ARL15: variants seen among roughly 807,000 people sequenced by gnomAD.
The protein encoded by ARL15 is ARF like GTPase 15.
ARL15 carries 19 observed loss-of-function variants against 25.2 expected under a neutral mutation model. That is an observed-to-expected ratio of 0.75 (90% CI 0.53 to 1.10). The LOEUF (loss-of-function observed/expected upper bound fraction) is 1.10, where lower values mean the gene tolerates loss of function less well. Among genes scored for constraint, ARL15 ranks in the 50% least tolerant of loss-of-function variants. The pLI is 0.00. For synonymous variants in ARL15, 94 were observed against 86.8 expected, an observed-to-expected ratio of 1.08 and a Z score of -0.46; for missense variants, 220 against 246.0, an observed-to-expected ratio of 0.89 and a Z score of 0.71.
At chr5:54,131,509 A>G (rs1055794116) in intron 3 of ARL15, among the ~76,000 whole-genome samples, 4 of 152,120 alleles carry the variant, frequency 2.6e-5, no homozygotes, top group Non-Finnish European at 5.9e-5. Flanking sequence ...ATTTGTATAT[A>G]ATCTTTTTTC....
chr5:54,068,733 T>C (rs1373508552), intron 4 of ARL15, among the ~76,000 whole-genome samples: 1 of 152,254 alleles, frequency 6.6e-6, no homozygotes, highest in African/African-American at 2.4e-5. Flanking sequence ...ATCAGGGTCA[T>C]GCCATCTCAA....
intron 4 of ARL15, among the ~76,000 whole-genome samples, chr5:54,010,917 G>A (rs1423177264): frequency 6.6e-6 from 1 of 151,470 alleles, no homozygotes; most frequent in Non-Finnish European, 1.5e-5. Context: ...GGAGAATGGC[G>A]TGAACCCGGG....
intron 1 of ARL15, among the ~76,000 whole-genome samples, chr5:54,239,211 A>G (rs1397971492): frequency 2.7e-5 from 4 of 145,468 alleles, no homozygotes; most frequent in Admixed American, 1.4e-4. Flanking sequence ...ATGGCAAGGG[A>G]AAAGGCTTTT....
chr5:54,040,920 C>G (rs909678669), intron 4 of ARL15, among the ~76,000 whole-genome samples: 1 of 152,200 alleles, frequency 6.6e-6, no homozygotes, highest in Admixed American at 6.5e-5. Context: ...TTTGTAACTC[C>G]TATTGTCTGA....
intron 3 of ARL15, among the ~76,000 whole-genome samples, chr5:54,114,415 A>AAAAAAAAAAAAAAAAAAAAAC (rs1752835529): frequency 6.7e-6 from 1 of 149,340 alleles, no homozygotes; most frequent in Non-Finnish European, 1.5e-5. Context: ...AGAAAAAAAA[A>AAAAAAAAAAAAAAAAAAAAAC]AAAAAAAGCA....
At chr5:53,954,177 G>GA (rs1747067675) in intron 4 of ARL15, among the ~76,000 whole-genome samples, 1 of 151,656 alleles carries the variant, frequency 6.6e-6, no homozygotes, top group African/African-American at 2.4e-5. Context: ...TAATGTTTGG[G>GA]AAATCAGTCC....
intron 4 of ARL15, among the ~76,000 whole-genome samples, chr5:54,058,010 T>TA (rs200051170): frequency 0.022 from 2,603 of 119,210 alleles, 93 homozygotes; most frequent in African/African-American, 0.094. Context: ...ATTTATTTAT[T>TA]TATTTATTTT....
At chr5:53,985,121 ATGT>A (rs1748248797) in intron 4 of ARL15, among the ~76,000 whole-genome samples, 1 of 152,250 alleles carries the variant, frequency 6.6e-6, no homozygotes, top group East Asian at 1.9e-4. Context: ...GTACATGCAA[ATGT>A]TGTACTCACA....
At chr5:54,259,643 C>T (rs549151926) in intron 1 of ARL15, among the ~76,000 whole-genome samples, 2 of 152,182 alleles carry the variant, frequency 1.3e-5, no homozygotes, top group Admixed American at 6.5e-5. Context: ...TCTATAGACC[C>T]CTACACTGCA....
intron 4 of ARL15, among the ~76,000 whole-genome samples, chr5:53,898,632 TG>T (rs1744950263): frequency 6.6e-6 from 1 of 151,960 alleles, no homozygotes; most frequent in African/African-American, 2.4e-5. Flanking sequence ...TCTTTTTTTT[TG>T]GTTTGGGTTC....
At chr5:54,267,794 C>A (rs944068064) in intron 1 of ARL15, among the ~76,000 whole-genome samples, 6 of 152,070 alleles carry the variant, frequency 3.9e-5, no homozygotes, top group African/African-American at 1.4e-4. Context: ...TGAATATTGG[C>A]CCCCACTCTC....
chr5:54,127,842 C>A (rs1271470230), intron 3 of ARL15, among the ~76,000 whole-genome samples: 1 of 151,416 alleles, frequency 6.6e-6, no homozygotes, highest in African/African-American at 2.4e-5. Context: ...TGGAACAGAA[C>A]AGAGCCCTCA....
rs117317767 is a variant in ARL15, at chr5:53,980,887, C to T, written c.463-94174G>A. Among the ~76,000 whole-genome samples, 188 of 152,044 alleles carry T rather than the reference C, an allele frequency of 1.2e-3. 2 individuals carry two copies. In the East Asian group the frequency reaches 0.034, roughly 28 times the overall value. On this transcript the variant is annotated intron_variant, in intron 4 of 4. Coordinates refer to ENST00000504924, the MANE Select transcript of ARL15 (RefSeq NM_019087.3). ...TCCCAGCTACTTGGGAGGCTGAGGC[C>T]GTAGGGTCACCTGAGCCCAGGAGTT...
At chr5:54,147,252 T>C (rs1408605741) in intron 3 of ARL15, among the ~76,000 whole-genome samples, 2 of 152,104 alleles carry the variant, frequency 1.3e-5, no homozygotes, top group East Asian at 3.9e-4. Flanking sequence ...GAAGTTGCGG[T>C]CATTCAGTAT....
At chr5:54,148,047 A>G (rs13359210) in intron 3 of ARL15, among the ~76,000 whole-genome samples, 35,103 of 152,092 alleles carry the variant, frequency 0.23, 4,516 homozygotes, top group African/African-American at 0.34. Flanking sequence ...AAATTAAAGA[A>G]GTCTTCTTTC....
At chr5:54,167,186 G>C (rs893949123) in intron 2 of ARL15, among the ~76,000 whole-genome samples, 2 of 152,156 alleles carry the variant, frequency 1.3e-5, no homozygotes, top group African/African-American at 4.8e-5. Flanking sequence ...CCCTGGCCTT[G>C]GGAAGTTTCC....
chr5:54,276,491 G>A (rs1757933774), intron 1 of ARL15, among the ~76,000 whole-genome samples: 1 of 152,146 alleles, frequency 6.6e-6, no homozygotes, highest in African/African-American at 2.4e-5. Flanking sequence ...GGCTACACTG[G>A]TTTTCTTTTT....
intron 4 of ARL15, among the ~76,000 whole-genome samples, chr5:54,019,263 T>C (rs1422543404): frequency 6.6e-6 from 1 of 152,130 alleles, no homozygotes; most frequent in Non-Finnish European, 1.5e-5. Flanking sequence ...TTTATGCCCT[T>C]ATCCACATAT....
At chr5:54,126,638 G>C (rs1157077254) in intron 3 of ARL15, among the ~76,000 whole-genome samples, 2 of 152,110 alleles carry the variant, frequency 1.3e-5, no homozygotes, top group African/African-American at 4.8e-5. Flanking sequence ...GGTCATGAGG[G>C]ATTCACCAGC....
Sources: allele counts gnomAD v4.1 joint callset (sites outside exome capture counted in the v4.1 genomes callset), GRCh38; gene constraint gnomAD v4.1.1; transcripts MANE v1.5; gene names NCBI Gene and HGNC (gene_info 2026-07-23, HGNC 2026-07-21).